TSHR: variants seen among roughly 807,000 people sequenced by gnomAD.
The protein encoded by TSHR is thyroid stimulating hormone receptor.
TSHR carries 51 observed loss-of-function variants against 64.1 expected under a neutral mutation model. The ratio of observed to expected loss-of-function variants is 0.80; its 90% CI spans 0.64 to 1.01. The LOEUF is 1.01. TSHR is among the 50% of genes least tolerant of loss of function. The pLI, the probability that TSHR is intolerant of heterozygous loss-of-function variation, is 0.00. For synonymous variants in TSHR, 361 were observed against 361.9 expected (o/e 1.00, Z 0.03); for missense variants, 877 against 942.8 (o/e 0.93, Z 0.91).
intron 1 of TSHR, among the ~76,000 whole-genome samples, chr14:81,025,614 A>G (rs1484616677): frequency 6.6e-6 from 1 of 152,240 alleles, no homozygotes; most frequent in African/African-American, 2.4e-5. Flanking sequence ...GAGCCCAGAA[A>G]CTTTGGTTCT....
intron 1 of TSHR, among the ~76,000 whole-genome samples, chr14:81,038,427 T>TA (rs1293854418): frequency 4.9e-5 from 6 of 122,616 alleles, no homozygotes; most frequent in Non-Finnish European, 8.8e-5. Flanking sequence ...CTCAAGGAAG[T>TA]AAAAAAAGAA....
At chr14:80,966,403 T>C (rs1482820264) in intron 1 of TSHR, among the ~76,000 whole-genome samples, 2 of 152,184 alleles carry the variant, frequency 1.3e-5, no homozygotes, top group African/African-American at 4.8e-5. Context: ...AGATTTGAGA[T>C]GACCAGAAAT....
At position 80,955,902 on chromosome 14, in the gene TSHR, A is replaced by C. The variant is rs751190294; in HGVS notation, c.170+52A>C. ...GGACCCAGAGATCAAGGGCATCTGCAGAGGTGGCCCGAAGTGCACAAAAGC... is the reference window on the plus strand; with the variant it reads ...GGACCCAGAGATCAAGGGCATCTGCCGAGGTGGCCCGAAGTGCACAAAAGC... On this transcript the variant is annotated intron_variant, in intron 1 of 9. Coordinates refer to ENST00000298171, the MANE Select transcript of TSHR (RefSeq NM_000369.5). 1.7e-5 allele frequency: 27 copies of C among 1,612,592 alleles called. 1 individual carries two copies. The Admixed American group carries it at 4.5e-4, about 27-fold the overall frequency.
rs117708000 is a variant in TSHR at position 81,014,705 on chromosome 14, T to G, written c.171-47443T>G. 8.0e-3 allele frequency among the ~76,000 whole-genome samples: 1,220 copies of G among 152,240 alleles called. 11 individuals carry two copies. Among genetic ancestry groups the G allele is most frequent in the Non-Finnish European group, 0.011 (718 of 67,998 alleles). On this transcript the variant is annotated intron_variant, in intron 1 of 9. Transcript: ENST00000298171. ...TTTGTCCTAGAATTCCCACACCAAG[T>G]AGGAAGCATAAAATAACTTAGAGAC... is the stretch of plus-strand genomic sequence containing the variant.
chr14:81,130,424 T>C (rs562087711), intron 8 of TSHR, among the ~76,000 whole-genome samples: 2 of 152,336 alleles, frequency 1.3e-5, no homozygotes, highest in East Asian at 3.9e-4. Flanking sequence ...CCTTGGAATG[T>C]ATTCTTCTTT....
At chr14:81,126,684 C>G (rs541865633) in intron 8 of TSHR, among the ~76,000 whole-genome samples, 1 of 152,172 alleles carries the variant, frequency 6.6e-6, no homozygotes, top group African/African-American at 2.4e-5. Context: ...ATTTTATTAA[C>G]TAATTATCCC....
At chr14:81,102,254 G>A (rs539468623) in intron 7 of TSHR, among the ~76,000 whole-genome samples, 4 of 151,854 alleles carry the variant, frequency 2.6e-5, no homozygotes, top group Non-Finnish European at 4.4e-5. Context: ...GAGACTCTCC[G>A]TACGTTCACA....
intron 1 of TSHR, among the ~76,000 whole-genome samples, chr14:80,990,181 G>A (rs559148741): frequency 1.2e-4 from 18 of 152,326 alleles, no homozygotes; most frequent in African/African-American, 3.1e-4. Flanking sequence ...GTGAGAGTAA[G>A]GAGAAAGAAA....
chr14:81,025,454 A>AT (rs1015508863), intron 1 of TSHR, among the ~76,000 whole-genome samples: 86 of 127,320 alleles, frequency 6.8e-4, no homozygotes, highest in African/African-American at 1.6e-3. Flanking sequence ...ATATGTAGTT[A>AT]TTTTTTTTTT....
intron 8 of TSHR, among the ~76,000 whole-genome samples, chr14:81,124,735 AT>A (rs1890947931): frequency 6.6e-6 from 1 of 152,048 alleles, no homozygotes; most frequent in African/African-American, 2.4e-5. Flanking sequence ...AGCCATTCTA[AT>A]GGGTCTCTCA....
At chr14:81,051,482 T>G (rs1283287691) in intron 1 of TSHR, 1 of 152,196 alleles carries the variant, frequency 6.6e-6, no homozygotes, top group Non-Finnish European at 1.5e-5. Context: ...TTACCTTGTC[T>G]TGGTAACTGT....
chr14:81,103,894 A>C lies in TSHR; in HGVS notation c.615-4481A>C. Reference sequence around the variant, plus strand: ...TAAACATTTAGGCAGGAATAAAAATACCATTTTGATATGCTAAGAGCCCAC... The same window carrying C: ...TAAACATTTAGGCAGGAATAAAAATCCCATTTTGATATGCTAAGAGCCCAC... On this transcript the variant is annotated intron_variant, in intron 7 of 9. Coordinates refer to ENST00000298171, the MANE Select transcript of TSHR (RefSeq NM_000369.5). This position sits in a 1 kb window ranked among gnomAD's most constrained non-coding sequence, Gnocchi z 4.1. The C allele has an allele frequency of 1.0e-6, 1 of 985,454 alleles. No individual in the cohort carries two copies. 61.0% of individuals were successfully genotyped at this position (985,454 alleles called of 1,614,324 possible).
intron 7 of TSHR, chr14:81,104,344 A>T: frequency 1.0e-6 from 1 of 985,372 alleles, no homozygotes; most frequent in Non-Finnish European, 1.2e-6. Context: ...TCACAACATA[A>T]TCAAGGCCCA....
At chr14:80,985,488 A>T (rs551432373) in intron 1 of TSHR, among the ~76,000 whole-genome samples, 13 of 152,232 alleles carry the variant, frequency 8.5e-5, no homozygotes, top group Non-Finnish European at 1.8e-4. Flanking sequence ...ACAAAACAGC[A>T]AAGCTACAAG....
intron 1 of TSHR, among the ~76,000 whole-genome samples, chr14:80,980,178 G>A (rs1195740838): frequency 6.6e-6 from 1 of 152,054 alleles, no homozygotes; most frequent in Non-Finnish European, 1.5e-5. Context: ...CATTCACTCT[G>A]CTGCTCTTAT....
intron 8 of TSHR, among the ~76,000 whole-genome samples, chr14:81,127,967 A>T (rs998072358): frequency 3.3e-5 from 5 of 152,220 alleles, no homozygotes; most frequent in Admixed American, 6.5e-5. Context: ...GTGTGGTAGA[A>T]TGCTGACTCA....
chr14:80,995,079 G>A (rs1394309358), intron 1 of TSHR: 1 of 152,038 alleles, frequency 6.6e-6, no homozygotes, highest in Admixed American at 6.6e-5. Flanking sequence ...GGTGGGCAAA[G>A]GACACGAAGA....
chr14:81,080,752 T>C (rs536056563), intron 3 of TSHR, among the ~76,000 whole-genome samples: 2 of 152,316 alleles, frequency 1.3e-5, no homozygotes, highest in South Asian at 4.1e-4. Context: ...AAATAATTTA[T>C]TCTGTGAACT....
At chr14:81,001,541 A>G (rs898672578) in intron 1 of TSHR, 4 of 524,910 alleles carry the variant, frequency 7.6e-6, no homozygotes, top group Non-Finnish European at 1.1e-5. Flanking sequence ...AAAATTCAGC[A>G]CTCATTTTGG....
Sources: gnomAD v4.1 joint callset for allele counts (sites outside exome capture counted in the v4.1 genomes callset) on GRCh38, gnomAD v4.1.1 for gene constraint, Gnocchi (gnomAD v3.1) non-coding constraint, MANE v1.5 for transcripts, NCBI Gene and HGNC (gene_info 2026-07-23, HGNC 2026-07-21) for gene names.